Variants in ZMYM4 observed in about 807,000 individuals in gnomAD.
The protein encoded by ZMYM4 is zinc finger MYM-type protein 4.
A neutral mutation model predicts 183.2 loss-of-function variants in ZMYM4; 31 were observed. The ratio of observed to expected loss-of-function variants is 0.17; its 90% CI spans 0.13 to 0.23. The LOEUF (loss-of-function observed/expected upper bound fraction) is 0.23, where lower values mean the gene tolerates loss of function less well. ZMYM4 is among the 10% of genes least tolerant of loss of function. The pLI is 1.00. For missense variants in ZMYM4, 1,273 were observed against 1,840.3 expected, an observed-to-expected ratio of 0.69 and a Z score of 5.64; for synonymous variants, 592 against 631.2, an observed-to-expected ratio of 0.94 and a Z score of 0.93.
chr1:35,310,524 A>G (rs1272971216), intron 1 of ZMYM4: 1 of 153,616 alleles, frequency 6.5e-6, no homozygotes, highest in Non-Finnish European at 1.4e-5. Context: ...ACATAAATTT[A>G]TGTTGCATAC....
chr1:35,388,811 CA>C, intron 13 of ZMYM4, 98 bp from the exon 14 acceptor site: 1 of 1,092,400 alleles, frequency 9.2e-7, no homozygotes, highest in Non-Finnish European at 1.3e-6. Flanking sequence ...GTTGGGATTA[CA>C]GGTGTGAGCC....
At chr1:35,385,154 T>C (rs1644549203) in intron 9 of ZMYM4, among the ~76,000 whole-genome samples, 1 of 152,220 alleles carries the variant, frequency 6.6e-6, no homozygotes, top group Admixed American at 6.5e-5. Flanking sequence ...CGCATTACTT[T>C]TTCAATGAAA....
chr1:35,281,027 G>A (rs1036376672), intron 1 of ZMYM4, among the ~76,000 whole-genome samples: 3 of 152,254 alleles, frequency 2.0e-5, no homozygotes, highest in Admixed American at 6.5e-5. Context: ...GCTCACGCAC[G>A]TAATCCCAGC....
In ZMYM4 at chr1:35,387,023, T is replaced by C; in HGVS notation, c.1857T>C (p.Thr619=). 6.2e-7 allele frequency: 1 copy of C among 1,613,598 alleles called. No individual in the cohort carries two copies. The highest frequency in any genetic ancestry group is 8.5e-7 in the Non-Finnish European group (1 of 1,179,598). The stretch of plus-strand genomic sequence containing the variant: ...TCCAGAATTTATTCAACAAACCAAC[T>C]GGAATGAATTCTTCAGTAGTGCCCT... The part of the protein sequence containing the change: ...VAFQNLFNKP[T]GMNSSVVPLS... The change falls in exon 12 of 30, where the codon ACT becomes ACC. Residue 619 remains threonine, a synonymous_variant. Coordinates refer to ENST00000314607, the MANE Select transcript of ZMYM4 (RefSeq NM_005095.3).
intron 1 of ZMYM4, among the ~76,000 whole-genome samples, chr1:35,313,550 G>A (rs1045562613): frequency 3.3e-5 from 5 of 151,362 alleles, no homozygotes; most frequent in Admixed American, 1.3e-4. Flanking sequence ...CACCACACCC[G>A]GCTAATTTTT....
At chr1:35,417,047 G>A (rs556406829) in intron 28 of ZMYM4, among the ~76,000 whole-genome samples, 2 of 152,252 alleles carry the variant, frequency 1.3e-5, no homozygotes, top group South Asian at 2.1e-4. Flanking sequence ...AATAATGCAG[G>A]AAGCTGGGGA....
chr1:35,377,162 C>T (rs541085164), intron 7 of ZMYM4, among the ~76,000 whole-genome samples: 2 of 152,322 alleles, frequency 1.3e-5, no homozygotes, highest in East Asian at 3.9e-4. Context: ...CCACCTCAGC[C>T]TCCCAAAGTG....
intron 1 of ZMYM4, among the ~76,000 whole-genome samples, chr1:35,283,277 AG>A (rs1001002910): frequency 2.1e-5 from 3 of 145,006 alleles, no homozygotes; most frequent in African/African-American, 7.7e-5. Flanking sequence ...GGCCTTTCAA[AG>A]TCTTTTATTT....
At chr1:35,309,700 C>T (rs1641703877) in intron 1 of ZMYM4, among the ~76,000 whole-genome samples, 1 of 151,880 alleles carries the variant, frequency 6.6e-6, no homozygotes, top group Non-Finnish European at 1.5e-5. Context: ...ATGGTGATTG[C>T]TTGAGCCCAG....
rs1421411785 is a variant in ZMYM4, at chr1:35,421,070, C to A, written c.*1393C>A. On this transcript the variant is annotated 3_prime_UTR_variant, in exon 30 of 30. Transcript: ENST00000314607. ...TTCTTCAGCTAAGGTTAATTTGACG[C>A]TATGATAAAACTGAGAGATGTCAAA... 6.6e-6 allele frequency: 1 copy of A among 152,472 alleles called. No homozygotes were observed. The highest frequency in any genetic ancestry group is 2.4e-5 in the African/African-American group (1 of 41,542). 9.4% of individuals were successfully genotyped at this position (152,472 alleles called of 1,614,324 possible). A position where few individuals can be genotyped will look rare whatever the true frequency, so the allele number is the denominator to read the frequency against.
intron 1 of ZMYM4, among the ~76,000 whole-genome samples, chr1:35,281,283 C>CAA (rs140464833): frequency 3.6e-5 from 4 of 109,600 alleles, no homozygotes; most frequent in Non-Finnish European, 7.8e-5. Flanking sequence ...GACTCCATCT[C>CAA]AAAAAAAAAA....
intron 19 of ZMYM4, chr1:35,397,143 ATT>A: frequency 9.0e-7 from 1 of 1,105,246 alleles, no homozygotes; most frequent in East Asian, 4.6e-5. Context: ...TTATAGAATT[ATT>A]CTTTTAGAGG....
chr1:35,325,935 G>A (rs1027243392), intron 2 of ZMYM4, among the ~76,000 whole-genome samples: 1 of 151,996 alleles, frequency 6.6e-6, no homozygotes, highest in Non-Finnish European at 1.5e-5. Context: ...CATGGTGTAT[G>A]GAGATTTATA....
chr1:35,269,658 A>C (rs1044425564), intron 1 of ZMYM4, among the ~76,000 whole-genome samples: 1 of 152,196 alleles, frequency 6.6e-6, no homozygotes, highest in Non-Finnish European at 1.5e-5. Context: ...TTTGGCTACT[A>C]TGAATGTCAT....
chr1:35,405,027 G>A lies in ZMYM4; in HGVS notation c.3533G>A (p.Arg1178Gln), dbSNP rs1644976544. 3 of 1,585,164 alleles carry A rather than the reference G, an allele frequency of 1.9e-6. No individual in the cohort carries two copies. The highest frequency in any genetic ancestry group is 2.3e-5 in the East Asian group (1 of 44,258). ...AAATTTTTGGAATTCTTACAGGGAC[G>A]GAAGAAGTCTATAGTGGCTGTGGAG... ...DGFPQPRRRG[R>Q]KKSIVAVEPR... Residue 1178 changes from arginine (R) to glutamine (Q), a missense_variant, in exon 24 of 30, where the codon CGG becomes CAG. Arg to Gln is a conservative substitution (Grantham distance 43). Transcript: ENST00000314607.
intron 1 of ZMYM4, among the ~76,000 whole-genome samples, 198 bp downstream of exon 1, chr1:35,269,283 T>TG (rs1007730369): frequency 0.011 from 12 of 1,102 alleles, no homozygotes; most frequent in South Asian, 0.033. Context: ...TGGTGCTGGG[T>TG]GGGGGGGAGG....
At chr1:35,396,514 C>T (rs1461961628) in intron 18 of ZMYM4, 38 bp from the exon 19 acceptor site, 1 of 1,608,904 alleles carries the variant, frequency 6.2e-7, no homozygotes, top group African/African-American at 1.3e-5. Context: ...ATTTCTAACC[C>T]TCTTTGCTTT....
intron 1 of ZMYM4, among the ~76,000 whole-genome samples, chr1:35,288,897 C>G (rs1234797971): frequency 6.6e-6 from 1 of 152,146 alleles, no homozygotes; most frequent in Non-Finnish European, 1.5e-5. Flanking sequence ...CAGTCTCCTT[C>G]CTGCTCAGAT....
Position 35,387,240 on chromosome 1 carries a change from C to A in ZMYM4, c.2074C>A (p.Arg692Ser). 6.2e-7 allele frequency: 1 copy of A among 1,614,102 alleles called. No homozygotes were observed. The highest frequency in any genetic ancestry group is 8.5e-7 in the Non-Finnish European group (1 of 1,179,982). Residue 692 changes from arginine to serine, a missense_variant, in exon 12 of 30, where the codon CGT (arginine) becomes AGT (serine). By Grantham distance (110) the Arg-to-Ser change is moderately radical. Coordinates refer to ENST00000314607, the MANE Select transcript of ZMYM4 (RefSeq NM_005095.3). ...GAAACTCAAATGTCAACACTGTAACCGTCTTTTTGCCACAAAACCAGAACT... is the reference window on the plus strand; with the variant it reads ...GAAACTCAAATGTCAACACTGTAACAGTCTTTTTGCCACAAAACCAGAACT... ...VVKLKCQHCN[R>S]LFATKPELLD...
Sources: gnomAD v4.1 joint callset for allele counts (sites outside exome capture counted in the v4.1 genomes callset) on GRCh38, gnomAD v4.1.1 for gene constraint, MANE v1.5 for transcripts, NCBI Gene and HGNC (gene_info 2026-07-23, HGNC 2026-07-21) for gene names.